Variants in SPP2 observed in about 807,000 individuals in gnomAD.
The protein encoded by SPP2 is secreted phosphoprotein 2.
A neutral mutation model predicts 28.8 loss-of-function variants in SPP2; 34 were observed. The observed-to-expected ratio is 1.18, with a 90% confidence interval of 0.90 to 1.57. The LOEUF is 1.57. SPP2 is among the 40% of genes most tolerant of loss of function. SPP2 has a pLI of 0.00. For synonymous variants in SPP2, 96 were observed against 89.4 expected (o/e 1.07, Z -0.42); for missense variants, 269 against 263.9 (o/e 1.02, Z -0.13).
At chr2:234,070,399 C>T (rs1447281665) in intron 7 of SPP2, among the ~76,000 whole-genome samples, 1 of 152,212 alleles carries the variant, frequency 6.6e-6, no homozygotes, top group Non-Finnish European at 1.5e-5. Context: ...CCTCAACCTC[C>T]TCACCTCACA....
intron 7 of SPP2, among the ~76,000 whole-genome samples, chr2:234,072,154 G>T (rs1170374846): frequency 6.6e-6 from 1 of 152,160 alleles, no homozygotes; most frequent in African/African-American, 2.4e-5. Context: ...CATCAGTTAA[G>T]CATGGTATAA....
chr2:234,052,315 G>T (rs973663150), intron 2 of SPP2, among the ~76,000 whole-genome samples: 1 of 152,100 alleles, frequency 6.6e-6, no homozygotes, highest in Admixed American at 6.5e-5. Context: ...GTTTCCATTG[G>T]CATTTAATGA....
At chr2:234,073,692 C>T (rs1029415891) in intron 7 of SPP2, among the ~76,000 whole-genome samples, 3 of 152,162 alleles carry the variant, frequency 2.0e-5, no homozygotes, top group African/African-American at 7.2e-5. Context: ...ATAGTTCTGA[C>T]TTTTCAATTA....
intron 6 of SPP2, among the ~76,000 whole-genome samples, chr2:234,068,120 C>T (rs1055585250): frequency 2.6e-5 from 4 of 152,096 alleles, no homozygotes; most frequent in Non-Finnish European, 4.4e-5. Context: ...CTCATTTGGT[C>T]CTCATGATAG....
chr2:234,076,587 G>A (rs779056933), intron 7 of SPP2, among the ~76,000 whole-genome samples: 1 of 152,150 alleles, frequency 6.6e-6, no homozygotes, highest in Non-Finnish European at 1.5e-5. Flanking sequence ...ATGAATGGCT[G>A]GATGGCGTAT....
At chr2:234,074,225 T>A (rs1011176527) in intron 7 of SPP2, among the ~76,000 whole-genome samples, 3 of 152,172 alleles carry the variant, frequency 2.0e-5, no homozygotes, top group Admixed American at 2.0e-4. Context: ...ACTTCAAGAC[T>A]TATTTGTTTA....
intron 2 of SPP2, among the ~76,000 whole-genome samples, chr2:234,057,608 C>T (rs1452013297): frequency 6.6e-6 from 1 of 152,202 alleles, no homozygotes; most frequent in Non-Finnish European, 1.5e-5. Context: ...GGAATTTAAG[C>T]CACTGGGCAT....
At chr2:234,076,252 C>T (rs367748527) in intron 7 of SPP2, among the ~76,000 whole-genome samples, 1 of 152,108 alleles carries the variant, frequency 6.6e-6, no homozygotes, top group African/African-American at 2.4e-5. Context: ...CATGGGAGAA[C>T]CTCACACAGC....
intron 3 of SPP2, 87 bp downstream of exon 3, chr2:234,059,045 C>A: frequency 1.3e-6 from 2 of 1,496,452 alleles, no homozygotes; most frequent in South Asian, 2.7e-5. Flanking sequence ...AGAACTTGGT[C>A]GCTGCCTGGC....
Position 234,058,972 on chromosome 2 carries a change from G to T in SPP2, c.333+14G>T, listed in dbSNP as rs1401884384. 3 of 1,604,922 alleles carry T rather than the reference G, an allele frequency of 1.9e-6. No individual in the cohort carries two copies. The highest frequency in any genetic ancestry group is 2.5e-6 in the Non-Finnish European group (3 of 1,176,838). On this transcript the variant is annotated intron_variant, in intron 3 of 7. Transcript: ENST00000168148. ...GACTACTATGTGGTAAGTGGGAGGA[G>T]ACCCATCCCAGAAATGAACAAAAGG...
At chr2:234,066,660 C>G in intron 5 of SPP2, 73 bp downstream of exon 5, 2 of 1,083,768 alleles carry the variant, frequency 1.8e-6, no homozygotes, top group Non-Finnish European at 2.8e-6. Flanking sequence ...GTTAGTGAGT[C>G]ATTTAAAACT....
intron 2 of SPP2, among the ~76,000 whole-genome samples, chr2:234,056,667 G>A (rs1693613734): frequency 6.6e-6 from 1 of 151,994 alleles, no homozygotes; most frequent in Admixed American, 6.6e-5. Context: ...TGCAGTGGAG[G>A]GCCCCAAACA....
chr2:234,067,496 G>T (rs572092964), intron 6 of SPP2, among the ~76,000 whole-genome samples: 1 of 152,272 alleles, frequency 6.6e-6, no homozygotes, highest in South Asian at 2.1e-4. Context: ...GTTACCAAGA[G>T]GCCGGGCGCG....
chr2:234,051,102 G>T lies in SPP2; in HGVS notation c.210+7G>T, dbSNP rs748819179. The T allele has an allele frequency of 2.1e-5, 34 of 1,612,450 alleles. No homozygotes were observed. Among genetic ancestry groups the T allele is most frequent in the Non-Finnish European group, 2.5e-5 (30 of 1,178,806 alleles). ...CAGAAGCTCATTAAAAAGAGTAAGT[G>T]CAAAATGAAATCTTCTCTACTCCTC... On this transcript the variant is annotated splice_region_variant and intron_variant, in intron 2 of 7. Coordinates refer to ENST00000168148, the MANE Select transcript of SPP2 (RefSeq NM_006944.3).
intron 5 of SPP2, among the ~76,000 whole-genome samples, chr2:234,066,875 G>GT (rs1693832752): frequency 6.6e-6 from 1 of 152,156 alleles, no homozygotes; most frequent in Non-Finnish European, 1.5e-5. Flanking sequence ...GCCAGTGTTG[G>GT]TTTTCCCCTT....
chr2:234,069,182 A>C (rs1161497138), intron 6 of SPP2, among the ~76,000 whole-genome samples: 1 of 136,566 alleles, frequency 7.3e-6, no homozygotes, highest in African/African-American at 2.7e-5. Context: ...AGAGATGATT[A>C]TTTGAGAGAA....
chr2:234,064,472 T>G (rs1290832352), intron 4 of SPP2, among the ~76,000 whole-genome samples: 1 of 152,138 alleles, frequency 6.6e-6, no homozygotes, highest in East Asian at 1.9e-4. Flanking sequence ...TGTTCTTTTA[T>G]ACATATAACT....
chr2:234,064,181 C>T (rs1693774032), intron 4 of SPP2, among the ~76,000 whole-genome samples: 3 of 148,236 alleles, frequency 2.0e-5, no homozygotes, highest in Non-Finnish European at 4.5e-5. Flanking sequence ...TCCTCCCTTT[C>T]CTCCTCCCTC....
chr2:234,075,313 C>T (rs1334924133), intron 7 of SPP2, among the ~76,000 whole-genome samples: 6 of 152,096 alleles, frequency 3.9e-5, no homozygotes, highest in Non-Finnish European at 8.8e-5. Context: ...TTATCCCTAG[C>T]TTCTCATTAC....
Sources: gnomAD v4.1 joint callset for allele counts (sites outside exome capture counted in the v4.1 genomes callset) on GRCh38, gnomAD v4.1.1 for gene constraint, MANE v1.5 for transcripts, NCBI Gene and HGNC (gene_info 2026-07-23, HGNC 2026-07-21) for gene names.